The following ANKFY1 variants were observed in gnomAD, a reference collection of about 807,000 sequenced individuals.
The protein encoded by ANKFY1 is ankyrin repeat and FYVE domain-containing protein 1.
Under a neutral mutation model 128.3 loss-of-function variants are expected in ANKFY1, and 47 were observed. That is an observed-to-expected ratio of 0.37 (90% CI 0.29 to 0.47). The LOEUF is 0.47. Ranked by LOEUF, ANKFY1 falls within the 20% of genes least tolerant of loss-of-function variation. The pLI is 1.00. For missense variants in ANKFY1, 1,222 were observed against 1,510.6 expected, an observed-to-expected ratio of 0.81 and a Z score of 3.17; for synonymous variants, 553 against 601.6, an observed-to-expected ratio of 0.92 and a Z score of 1.18.
At chr17:4,256,294 G>C (rs973795536) in intron 1 of ANKFY1, among the ~76,000 whole-genome samples, 3 of 151,866 alleles carry the variant, frequency 2.0e-5, no homozygotes, top group African/African-American at 7.2e-5. Context: ...CAGGCGCAGT[G>C]GCGGGCGCCT....
At chr17:4,208,772 T>C (rs1326032461) in intron 5 of ANKFY1, among the ~76,000 whole-genome samples, 1 of 152,098 alleles carries the variant, frequency 6.6e-6, no homozygotes, top group East Asian at 1.9e-4. Flanking sequence ...ATGTAAACAC[T>C]GGCCGGGCGC....
chr17:4,169,319 C>T lies in ANKFY1; in HGVS notation c.3287-31G>A. The T allele has an allele frequency of 6.6e-7, 1 of 1,512,500 alleles. No individual in the cohort carries two copies. The highest frequency in any genetic ancestry group is 9.0e-7 in the Non-Finnish European group (1 of 1,115,000). The allele number at this position is 1,512,500 out of a possible 1,614,324, so 93.7% of individuals were successfully genotyped here. A position where few individuals can be genotyped will look rare whatever the true frequency, so the allele number is the denominator to read the frequency against. The stretch of plus-strand genomic sequence containing the variant: ...ACACAGGGGGGAGGCCCGGTCCCGT[C>T]AAACCGCGACGGCGCCACGCAAGCC... On this transcript the variant is annotated intron_variant, in intron 23 of 24. Coordinates refer to ENST00000341657, the MANE Select transcript of ANKFY1 (RefSeq NM_001330063.2). The surrounding 1 kb of genome is among the most constrained non-coding windows in gnomAD (Gnocchi z 5.0).
chr17:4,209,206 G>C (rs1334523730), intron 5 of ANKFY1, among the ~76,000 whole-genome samples: 3 of 152,374 alleles, frequency 2.0e-5, no homozygotes, highest in Non-Finnish European at 4.4e-5. Flanking sequence ...TGCTGGCCGT[G>C]GAGCCACACC....
Position 4,255,865 on chromosome 17 carries a change from T to C in ANKFY1, c.10+8067A>G, listed in dbSNP as rs1163670476. ...GGAGTCTCACTCTTGTCGCCCAAGC[T>C]GGAGTGCAATGGCGCGATCTCAGCT... On this transcript the variant is annotated intron_variant, in intron 1 of 24. Transcript: ENST00000341657. Among the ~76,000 whole-genome samples, 3 of 152,058 alleles carry C rather than the reference T, an allele frequency of 2.0e-5. No individual in the cohort carries two copies. In the East Asian group the frequency reaches 5.8e-4, roughly 30 times the overall value.
At chr17:4,216,856 T>A in intron 4 of ANKFY1, 127 bp downstream of exon 4, 1 of 1,306,294 alleles carries the variant, frequency 7.7e-7, no homozygotes, top group Non-Finnish European at 1.1e-6. Context: ...GTCCCCAGCA[T>A]CGCCTTTAAA....
At position 4,242,318 on chromosome 17, in the gene ANKFY1, G is replaced by T. The variant is rs768380060; in HGVS notation, c.141C>A (p.Ser47Arg). Residue 47 changes from serine (S) to arginine (R), a missense_variant, in exon 2 of 25, where the codon AGC (serine) becomes AGA (arginine). Physicochemically the swap from Ser to Arg is moderately radical, Grantham distance 110 (BLOSUM62 -1). Transcript: ENST00000341657. The stretch of plus-strand genomic sequence containing the variant: ...CCAGCAGACGGCTGATGAAGGACTC[G>T]CTGCTGCTCTCCTTGTTTGCCTGCG... ...LAAQANKESSSESFISRLLAI... is the reference protein window; with the variant it reads ...LAAQANKESSRESFISRLLAI... The T allele has an allele frequency of 6.3e-7, 1 of 1,595,824 alleles. No homozygotes were observed. Among genetic ancestry groups the T allele is most frequent in the Non-Finnish European group, 8.5e-7 (1 of 1,173,448 alleles).
chr17:4,168,031 A>G, intron 24 of ANKFY1, 120 bp from the exon 25 acceptor site: 1 of 1,134,174 alleles, frequency 8.8e-7, no homozygotes, highest in South Asian at 1.7e-5. Flanking sequence ...TACTCTGGCA[A>G]CTCTGCCAAC....
At chr17:4,239,685 C>T (rs1056223589) in intron 2 of ANKFY1, among the ~76,000 whole-genome samples, 2 of 152,006 alleles carry the variant, frequency 1.3e-5, no homozygotes, top group Admixed American at 6.6e-5. Flanking sequence ...ATTACAGGCG[C>T]GTGCCACCAC....
chr17:4,242,134 G>T, intron 2 of ANKFY1, 122 bp downstream of exon 2: 1 of 1,017,194 alleles, frequency 9.8e-7, no homozygotes, highest in Non-Finnish European at 1.3e-6. Context: ...CTATTCTAGG[G>T]AATCGATTTG....
rs1005677389 is a variant in ANKFY1, at chr17:4,177,231, C to T, written c.2670G>A (p.Leu890=). 1.9e-6 allele frequency: 3 copies of T among 1,607,288 alleles called. No individual in the cohort carries two copies. The highest frequency in any genetic ancestry group is 1.3e-5 in the African/African-American group (1 of 74,784). The part of the protein sequence containing the change: ...QNSDIESVLF[L]ISVHANVNSR... ...AATTCACATTAGCGTGGACACTGAT[C>T]AGGAACAGCACACTTTCAATATCAG... Residue 890 remains leucine (L), a synonymous_variant, in exon 19 of 25, where the codon CTG becomes CTA. Coordinates refer to ENST00000341657, the MANE Select transcript of ANKFY1 (RefSeq NM_001330063.2).
At chr17:4,227,323 T>C (rs907757994) in intron 3 of ANKFY1, among the ~76,000 whole-genome samples, 3 of 151,978 alleles carry the variant, frequency 2.0e-5, no homozygotes, top group African/African-American at 4.8e-5. Flanking sequence ...TATTGGCAAA[T>C]AGGATCCAAC....
At chr17:4,213,106 G>A (rs898441894) in intron 4 of ANKFY1, among the ~76,000 whole-genome samples, 4 of 152,110 alleles carry the variant, frequency 2.6e-5, no homozygotes, top group African/African-American at 9.7e-5. Flanking sequence ...TCACGAAGGA[G>A]AGGCTAGGAG....
intron 22 of ANKFY1, among the ~76,000 whole-genome samples, chr17:4,172,333 GT>G (rs1160840478): frequency 2.0e-5 from 3 of 152,148 alleles, no homozygotes; most frequent in African/African-American, 7.2e-5. Context: ...TTGGAGAAGG[GT>G]ATGGATGGTT....
At chr17:4,180,674 G>A (rs1373756599) in intron 16 of ANKFY1, among the ~76,000 whole-genome samples, 2 of 143,506 alleles carry the variant, frequency 1.4e-5, no homozygotes, top group East Asian at 2.1e-4. Context: ...GGAGAATGGC[G>A]TGAACCCAGG....
rs767070858 is a variant in ANKFY1, at chr17:4,179,773, A to C, written c.2345T>G (p.Leu782Arg). 2 of 1,614,258 alleles carry C rather than the reference A, an allele frequency of 1.2e-6. No individual in the cohort carries two copies. Among genetic ancestry groups the C allele is most frequent in the Admixed American group, 3.3e-5 (2 of 60,032 alleles). ...CAGAAGACACTGTACTGTCTCTTCC[A>C]GCCCCCAAGAGGCTGCCAAATGCAA... ...TPLHLAASWG[L>R]EETVQCLLEF... Residue 782 changes from leucine (L) to arginine (R), a missense_variant, in exon 17 of 25, where the codon CTG becomes CGG. Leu to Arg is a moderately radical substitution (Grantham distance 102). Coordinates refer to ENST00000341657, the MANE Select transcript of ANKFY1 (RefSeq NM_001330063.2).
Position 4,208,853 on chromosome 17 carries a change from G to A in ANKFY1, c.583-771C>T, listed in dbSNP as rs999549761. Among the ~76,000 whole-genome samples the A allele has an allele frequency of 3.9e-5, 6 of 152,276 alleles. No individual in the cohort carries two copies. The South Asian group carries it at 1.2e-3, about 32-fold the overall frequency. On this transcript the variant is annotated intron_variant, in intron 5 of 24. Coordinates refer to ENST00000341657, the MANE Select transcript of ANKFY1 (RefSeq NM_001330063.2). ...GCGGATCGATCACCTGAGGTTGGGA[G>A]TTTGAGACCAGCCTGACCAACGTGG...
At chr17:4,204,613 G>C (rs2059989387) in intron 7 of ANKFY1, among the ~76,000 whole-genome samples, 1 of 151,798 alleles carries the variant, frequency 6.6e-6, no homozygotes, top group African/African-American at 2.4e-5. Context: ...TTGTATCTAA[G>C]CAATCACCAA....
chr17:4,222,355 C>G (rs575630280), intron 3 of ANKFY1: 9,699 of 770,676 alleles, frequency 0.013, 104 homozygotes, highest in African/African-American at 0.04. Context: ...CCTTATTATT[C>G]ACTACGCTCT....
intron 1 of ANKFY1, among the ~76,000 whole-genome samples, chr17:4,245,455 C>A (rs1190459366): frequency 6.6e-6 from 1 of 152,188 alleles, no homozygotes; most frequent in Non-Finnish European, 1.5e-5. Flanking sequence ...ATCCTCCTGA[C>A]AGCCTCCCTA....
Sources: allele counts gnomAD v4.1 joint callset (sites outside exome capture counted in the v4.1 genomes callset), GRCh38; gene constraint gnomAD v4.1.1; non-coding constraint Gnocchi (gnomAD v3.1); transcripts MANE v1.5; gene names NCBI Gene and HGNC (gene_info 2026-07-23, HGNC 2026-07-21).